CPNE5: variants seen among roughly 807,000 people sequenced by gnomAD.
CPNE5 encodes the protein copine-5.
In CPNE5, 42 loss-of-function variants were observed where a neutral mutation model predicts 81.1. The ratio of observed to expected loss-of-function variants is 0.52; its 90% CI spans 0.40 to 0.67. The LOEUF is 0.67. Ranked by LOEUF, CPNE5 falls within the 30% of genes least tolerant of loss-of-function variation. CPNE5 has a pLI of 0.00. For synonymous variants in CPNE5, 313 were observed against 321.5 expected, an observed-to-expected ratio of 0.97 and a Z score of 0.28; for missense variants, 612 against 815.5, an observed-to-expected ratio of 0.75 and a Z score of 3.04.
At chr6:36,795,470 T>G (rs531176501) in intron 6 of CPNE5, among the ~76,000 whole-genome samples, 1 of 152,162 alleles carries the variant, frequency 6.6e-6, no homozygotes, top group Non-Finnish European at 1.5e-5. Context: ...TGAGCCACCA[T>G]GCCCAGCCTG....
chr6:36,743,610 C>A, intron 20 of CPNE5, 79 bp downstream of exon 20: 1 of 1,377,940 alleles, frequency 7.3e-7, no homozygotes, highest in Non-Finnish European at 1.0e-6. Context: ...ACCAGGGAAG[C>A]CCCCAAAGGG....
chr6:36,747,065 C>T (rs1231333480), intron 15 of CPNE5, among the ~76,000 whole-genome samples: 6 of 152,150 alleles, frequency 3.9e-5, no homozygotes, highest in Non-Finnish European at 8.8e-5. Context: ...ATTCCCACCT[C>T]AGGACCTTGG....
intron 8 of CPNE5, among the ~76,000 whole-genome samples, chr6:36,780,514 A>G (rs1043303326): frequency 6.6e-6 from 1 of 152,182 alleles, no homozygotes; most frequent in African/African-American, 2.4e-5. Flanking sequence ...CAGTTTCCCT[A>G]CTTATAAAAT....
chr6:36,835,812 A>G (rs1041607992), intron 1 of CPNE5, among the ~76,000 whole-genome samples: 5 of 152,170 alleles, frequency 3.3e-5, no homozygotes, highest in Non-Finnish European at 7.3e-5. Flanking sequence ...CTCAAAAAAA[A>G]AAAAAAGAAT....
In CPNE5 at chr6:36,794,499, G is replaced by A. The variant is rs547685700; in HGVS notation, c.464+91C>T. On this transcript the variant is annotated intron_variant, in intron 7 of 20. Coordinates refer to ENST00000244751, the MANE Select transcript of CPNE5 (RefSeq NM_020939.2). The stretch of plus-strand genomic sequence containing the variant: ...ATCAGGGCCAAATTCGCAGTGATGG[G>A]AGCAGGGACGAGGCCCAGACTCTGA... The A allele has an allele frequency of 1.8e-4, 219 of 1,222,718 alleles. 1 individual carries two copies. In the African/African-American group the frequency reaches 2.8e-3, roughly 16 times the overall value. 75.7% of individuals were successfully genotyped at this position (1,222,718 alleles called of 1,614,324 possible).
chr6:36,807,039 GC>G (rs1561806206), intron 3 of CPNE5, among the ~76,000 whole-genome samples: 1 of 152,204 alleles, frequency 6.6e-6, no homozygotes, highest in Non-Finnish European at 1.5e-5. Flanking sequence ...CCTAACCTGG[GC>G]TTTATGTGGG....
At chr6:36,800,979 C>T (rs750483440) in intron 3 of CPNE5, among the ~76,000 whole-genome samples, 54 of 152,222 alleles carry the variant, frequency 3.5e-4, no homozygotes, top group Non-Finnish European at 7.1e-4. Flanking sequence ...GATTGAGGCC[C>T]CAGCCAACAC....
At chr6:36,761,151 C>T (rs999243440) in intron 12 of CPNE5, among the ~76,000 whole-genome samples, 2 of 152,266 alleles carry the variant, frequency 1.3e-5, no homozygotes, top group Non-Finnish European at 2.9e-5. Context: ...CTTCCCTTCA[C>T]CTCCCTAAAT....
At chr6:36,803,336 C>G (rs1770296383) in intron 3 of CPNE5, among the ~76,000 whole-genome samples, 1 of 152,274 alleles carries the variant, frequency 6.6e-6, no homozygotes, top group Middle Eastern at 3.4e-3. Context: ...CTCCCCACCC[C>G]TCCTGTGTGC....
rs1249079349 is a variant in CPNE5 at position 36,756,305 on chromosome 6, GA to G, written c.856-8del. 23 of 1,613,382 alleles carry G rather than the reference GA, an allele frequency of 1.4e-5. No homozygotes were observed. The highest frequency in any genetic ancestry group is 1.9e-5 in the Non-Finnish European group (23 of 1,179,704). On this transcript the variant is annotated splice_region_variant and splice_polypyrimidine_tract_variant and intron_variant, in intron 12 of 20. Transcript: ENST00000244751. ...TCTTTTTCGGGTTTACCACCTGCAG[GA>G]AAAACCAGTTACCAGGTAAGGCATG...
At chr6:36,751,386 C>T (rs2150376703) in intron 14 of CPNE5, among the ~76,000 whole-genome samples, 1 of 152,366 alleles carries the variant, frequency 6.6e-6, no homozygotes, top group Non-Finnish European at 1.5e-5. Context: ...AGAAGGAACC[C>T]TGCCACCATC....
At chr6:36,744,466 A>G in intron 18 of CPNE5, 141 bp from the exon 19 acceptor site, 1 of 690,866 alleles carries the variant, frequency 1.4e-6, no homozygotes, top group South Asian at 1.7e-5. Flanking sequence ...AGAAACACAG[A>G]AAAGGGGGTA....
At chr6:36,810,779 G>T (rs1284128519) in intron 3 of CPNE5, among the ~76,000 whole-genome samples, 1 of 152,210 alleles carries the variant, frequency 6.6e-6, no homozygotes, top group Non-Finnish European at 1.5e-5. Context: ...CAGGGAGTGA[G>T]CCATGACCTT....
intron 1 of CPNE5, chr6:36,827,770 C>T: frequency 3.0e-6 from 3 of 985,122 alleles, no homozygotes; most frequent in Non-Finnish European, 3.6e-6. Context: ...GACGAAGGGC[C>T]CGAGACACCA....
At chr6:36,762,815 G>T in intron 12 of CPNE5, 102 bp downstream of exon 12, 1 of 937,572 alleles carries the variant, frequency 1.1e-6, no homozygotes, top group Non-Finnish European at 1.7e-6. Flanking sequence ...CTTTCTCACA[G>T]GAAAACACAC....
chr6:36,802,217 CAAAAAAAAA>C (rs57677612), intron 3 of CPNE5, among the ~76,000 whole-genome samples: 25 of 56,734 alleles, frequency 4.4e-4, no homozygotes, highest in African/African-American at 1.6e-3. Context: ...GACTCCATCT[CAAAAAAAAA>C]AAAAAAAAAA....
chr6:36,760,217 T>TAAAA (rs3046065), intron 12 of CPNE5, among the ~76,000 whole-genome samples: 10 of 138,464 alleles, frequency 7.2e-5, no homozygotes, highest in South Asian at 4.7e-4. Context: ...GACTCCATCT[T>TAAAA]AAAAAAAAAA....
intron 6 of CPNE5, among the ~76,000 whole-genome samples, chr6:36,795,171 A>T (rs1179420169): frequency 6.6e-6 from 1 of 151,924 alleles, no homozygotes; most frequent in African/African-American, 2.4e-5. Context: ...AGTCTTTTTT[A>T]TTTTTTTATT....
intron 1 of CPNE5, among the ~76,000 whole-genome samples, chr6:36,829,931 AT>A (rs1321638169): frequency 1.3e-5 from 2 of 149,872 alleles, no homozygotes; most frequent in Non-Finnish European, 2.9e-5. Flanking sequence ...GCGTCACCCC[AT>A]TTCTGCATGG....
Sources: gnomAD v4.1 joint callset for allele counts (sites outside exome capture counted in the v4.1 genomes callset) on GRCh38, gnomAD v4.1.1 for gene constraint, MANE v1.5 for transcripts, NCBI Gene and HGNC (gene_info 2026-07-23, HGNC 2026-07-21) for gene names.